The following SREK1 variants were observed in gnomAD, a reference collection of about 807,000 sequenced individuals.
SREK1 encodes splicing regulatory glutamic acid and lysine rich protein 1, also known as splicing regulatory glutamine/lysine-rich protein 1.
SREK1 carries 13 observed loss-of-function variants against 66.5 expected under a neutral mutation model. That is an observed-to-expected ratio of 0.20 (90% CI 0.13 to 0.31). The LOEUF is 0.31. Ranked by LOEUF, SREK1 falls within the 10% of genes least tolerant of loss-of-function variation. The pLI is 1.00. For synonymous variants in SREK1, 265 were observed against 263.5 expected (o/e 1.01, Z -0.05); for missense variants, 607 against 769.6 (o/e 0.79, Z 2.50).
intron 1 of SREK1, among the ~76,000 whole-genome samples, chr5:66,149,166 A>G (rs1030142046): frequency 4.6e-5 from 7 of 152,206 alleles, no homozygotes; most frequent in Admixed American, 1.3e-4. Flanking sequence ...TGTCTGGCCA[A>G]CATAGTGAAA....
chr5:66,166,776 T>TATAC (rs964382026), intron 7 of SREK1: 2 of 152,126 alleles, frequency 1.3e-5, no homozygotes, highest in East Asian at 1.9e-4. Flanking sequence ...AACTGACATA[T>TATAC]ATACATACAT....
In SREK1 at chr5:66,144,625, G is replaced by A. The variant is rs1742989646; in HGVS notation, c.161+88G>A. ...CGTGGAGGAGAGCGCGGACGCGGGC[G>A]CGCGGTGCATGTCACGTGATCGCGC... is the stretch of plus-strand genomic sequence containing the variant. On this transcript the variant is annotated intron_variant, in intron 1 of 11. Transcript: ENST00000334121. 5 of 1,462,518 alleles carry A rather than the reference G, an allele frequency of 3.4e-6. No homozygotes were observed. In the South Asian group the frequency reaches 6.9e-5, roughly 20 times the overall value. The allele number at this position is 1,462,518 out of a possible 1,614,324, so 90.6% of individuals were successfully genotyped here.
chr5:66,170,733 G>C lies in SREK1; in HGVS notation c.1270G>C (p.Asp424His). ...AGACCGGGACAAGGAACGGGAAAAG[G>C]ACCGGGAAAAAGACAAGGAAAAGGA... The part of the protein sequence containing the change: ...NKDRDKEREK[D>H]REKDKEKDRE... The change falls in exon 9 of 12, where the codon GAC (aspartate) becomes CAC (histidine). Residue 424 changes from aspartate (D) to histidine (H), a missense_variant. This residue lies in a region of SREK1 where 318 missense variants were observed against 310.3 expected (regional missense o/e 1.02). Coordinates refer to ENST00000334121, the MANE Select transcript of SREK1 (RefSeq NM_001077199.3). 6.2e-7 allele frequency: 1 copy of C among 1,601,590 alleles called. No homozygotes were observed. The highest frequency in any genetic ancestry group is 8.5e-7 in the Non-Finnish European group (1 of 1,173,438).
At chr5:66,163,169 A>T (rs937034102) in intron 5 of SREK1, 1 of 152,124 alleles carries the variant, frequency 6.6e-6, no homozygotes, top group Admixed American at 6.6e-5. Context: ...TGCTTTAGTT[A>T]TACAATTTGA....
At position 66,170,083 on chromosome 5, in the gene SREK1, A is replaced by G. The variant is rs755033581; in HGVS notation, c.1034A>G (p.Gln345Arg). The G allele has an allele frequency of 6.2e-7, 1 of 1,611,774 alleles. No individual in the cohort carries two copies. Among genetic ancestry groups the G allele is most frequent in the South Asian group, 1.1e-5 (1 of 90,662 alleles). ...TCCCATAATAGATCACGTTCAAGAC[A>G]GAAAGACAGACGTAGATCTAAGAGC... ...SRSHNRSRSR[Q>R]KDRRRSKSPH... is the part of the protein sequence containing the mutation. The change falls in exon 8 of 12, where the codon CAG (glutamine) becomes CGG (arginine). Residue 345 changes from glutamine to arginine, a missense_variant. Coordinates refer to ENST00000334121, the MANE Select transcript of SREK1 (RefSeq NM_001077199.3).
rs1235384456 is a variant in SREK1, at chr5:66,159,269, A to G, written c.346A>G (p.Thr116Ala). 12 of 1,613,738 alleles carry G rather than the reference A, an allele frequency of 7.4e-6. No individual in the cohort carries two copies. The highest frequency in any genetic ancestry group is 1.1e-5 in the South Asian group (1 of 91,038). Residue 116 changes from threonine to alanine, a missense_variant, in exon 3 of 12, where the codon ACC (threonine) becomes GCC (alanine). Transcript: ENST00000334121. ...CCTCTCTTTATTGGCTCCTGCTCCA[A>G]CCATGACAAGTCTGATGCCTGGTGC... ...KALSLLAPAP[T>A]MTSLMPGAGL...
chr5:66,171,526 A>G (rs1026302394), intron 9 of SREK1, among the ~76,000 whole-genome samples: 1 of 152,298 alleles, frequency 6.6e-6, no homozygotes, highest in Admixed American at 6.5e-5. Context: ...CAGCTGTACA[A>G]TGAGAACAAC....
At chr5:66,156,969 G>A (rs887451745) in intron 2 of SREK1, 6 of 985,000 alleles carry the variant, frequency 6.1e-6, no homozygotes, top group Non-Finnish European at 7.2e-6. Flanking sequence ...AATGCTAAAT[G>A]CTTATTTGTT....
intron 10 of SREK1, among the ~76,000 whole-genome samples, chr5:66,177,028 C>G (rs1457890916): frequency 6.6e-6 from 1 of 151,998 alleles, no homozygotes; most frequent in Admixed American, 6.6e-5. Flanking sequence ...CAAAACTTTT[C>G]TCTTATGAAC....
Position 66,164,386 on chromosome 5 carries a change from A to G in SREK1, c.887-397A>G, listed in dbSNP as rs191724010. ...AACTTTTGTGTTGCTAATGAAAATA[A>G]TTAAAAAACCCATTCTAAAAACATC... On this transcript the variant is annotated intron_variant, in intron 6 of 11. Transcript: ENST00000334121. 15 of 343,936 alleles carry G rather than the reference A, an allele frequency of 4.4e-5. No individual in the cohort carries two copies. In the Middle Eastern group the frequency reaches 5.3e-3, roughly 121 times the overall value. 21.3% of individuals were successfully genotyped at this position (343,936 alleles called of 1,614,324 possible).
At chr5:66,163,184 G>A (rs536255566) in intron 5 of SREK1, 1 of 152,334 alleles carries the variant, frequency 6.6e-6, no homozygotes, top group African/African-American at 2.4e-5. Flanking sequence ...ATTTGATCAG[G>A]ATTTTTCTGT....
At chr5:66,144,844 C>T (rs1192706184) in intron 1 of SREK1, 23 of 1,074,602 alleles carry the variant, frequency 2.1e-5, no homozygotes, top group Non-Finnish European at 2.6e-5. Context: ...CTTATTTCCC[C>T]CCGAACTTAA....
chr5:66,171,918 C>T (rs548498290), intron 9 of SREK1, among the ~76,000 whole-genome samples: 3 of 152,162 alleles, frequency 2.0e-5, no homozygotes, highest in Admixed American at 2.0e-4. Context: ...TGTTTTAAAA[C>T]ATGAGGAAGC....
chr5:66,178,176 T>C (rs181878242), intron 11 of SREK1, among the ~76,000 whole-genome samples: 1 of 152,108 alleles, frequency 6.6e-6, no homozygotes, highest in African/African-American at 2.4e-5. Flanking sequence ...ATCTTATAGT[T>C]TTATGTACTG....
At position 66,178,982 on chromosome 5, in the gene SREK1, C is replaced by CAACTGGAAA; in HGVS notation, c.*115_*116insACTGGAAAA. 2 of 1,184,018 alleles carry CAACTGGAAA rather than the reference C, an allele frequency of 1.7e-6. No individual in the cohort carries two copies. Among genetic ancestry groups the CAACTGGAAA allele is most frequent in the Non-Finnish European group, 2.2e-6 (2 of 896,154 alleles). 73.3% of individuals were successfully genotyped at this position (1,184,018 alleles called of 1,614,324 possible). On this transcript the variant is annotated 3_prime_UTR_variant, in exon 12 of 12. Transcript: ENST00000334121. ...AGTTGAGCATGAAGATAGGATCTAACAGCTTTTCCAGTTGTTAGATGACTT... is the reference window on the plus strand; with the variant it reads ...AGTTGAGCATGAAGATAGGATCTAACAACTGGAAAAGCTTTTCCAGTTGTTAGATGACTT...
At chr5:66,160,478 A>G (rs1190274032) in intron 3 of SREK1, among the ~76,000 whole-genome samples, 1 of 152,216 alleles carries the variant, frequency 6.6e-6, no homozygotes, top group Non-Finnish European at 1.5e-5. Context: ...TGTTCAAGGA[A>G]CAGAATGGTG....
chr5:66,156,608 T>G, intron 2 of SREK1: 19 of 985,492 alleles, frequency 1.9e-5, no homozygotes, highest in Non-Finnish European at 2.3e-5. Context: ...ACATCTCTCA[T>G]AAAAACTGAT....
intron 3 of SREK1, among the ~76,000 whole-genome samples, chr5:66,160,828 T>C (rs553245690): frequency 6.6e-6 from 1 of 152,312 alleles, no homozygotes; most frequent in Admixed American, 6.5e-5. Context: ...TCTCTAATAG[T>C]ATAAGTGGAA....
Position 66,144,537 on chromosome 5 carries a change from A to T in SREK1, c.161A>T (p.Asp54Val). ...EIEELRLYPP[D>V]NAPLAFSSKV... is the part of the protein sequence containing the mutation. ...GAGGAGCTGCGGCTCTACCCCCCGG[A>T]GTAAGTGCTGGAGCTCGGCTGGGGG... The change falls in exon 1 of 12, where the codon GAC becomes GTC. Residue 54 changes from aspartate to valine, a missense_variant and splice_region_variant. Asp to Val is a radical substitution (Grantham distance 152). Coordinates refer to ENST00000334121, the MANE Select transcript of SREK1 (RefSeq NM_001077199.3). 1 of 1,549,180 alleles carries T rather than the reference A, an allele frequency of 6.5e-7. No homozygotes were observed. Among genetic ancestry groups the T allele is most frequent in the Non-Finnish European group, 8.7e-7 (1 of 1,145,820 alleles).
Sources: allele counts gnomAD v4.1 joint callset (sites outside exome capture counted in the v4.1 genomes callset), GRCh38; gene constraint gnomAD v4.1.1; regional missense constraint gnomAD v4.1.1; transcripts MANE v1.5; gene names NCBI Gene and HGNC (gene_info 2026-07-23, HGNC 2026-07-21).